Variants in NTPCR observed in about 807,000 individuals in gnomAD.
NTPCR encodes the protein nucleoside-triphosphatase, cancer-related.
A neutral mutation model predicts 19.5 loss-of-function variants in NTPCR; 15 were observed. The observed-to-expected ratio is 0.77, with a 90% CI of 0.51 to 1.18. The LOEUF is 1.18. Ranked by LOEUF, NTPCR falls within the 50% of genes most tolerant of loss-of-function variation. The pLI, the probability that NTPCR is intolerant of heterozygous loss-of-function variation, is 0.00. For synonymous variants in NTPCR, 90 were observed against 95.8 expected, an observed-to-expected ratio of 0.94 and a Z score of 0.36; for missense variants, 206 against 240.4, an observed-to-expected ratio of 0.86 and a Z score of 0.95.
chr1:232,959,190 GT>G (rs914264595), intron 3 of NTPCR, among the ~76,000 whole-genome samples: 13 of 152,224 alleles, frequency 8.5e-5, no homozygotes, highest in Non-Finnish European at 1.3e-4. Context: ...CATGGGGGTG[GT>G]TTCCCCCATG....
intron 4 of NTPCR, among the ~76,000 whole-genome samples, chr1:232,972,691 TG>T (rs1669017432): frequency 6.6e-6 from 1 of 152,166 alleles, no homozygotes; most frequent in Non-Finnish European, 1.5e-5. Flanking sequence ...CCTCTCAAAG[TG>T]TTGGAATTAT....
Position 232,951,171 on chromosome 1 carries a change from CA to C in NTPCR, c.34+437del, listed in dbSNP as rs112582853. 653 of 154,208 alleles carry C rather than the reference CA, an allele frequency of 4.2e-3. 4 individuals are homozygous for C. Among genetic ancestry groups the C allele is most frequent in the African/African-American group, 0.01 (412 of 40,702 alleles). The allele number at this position is 154,208 out of a possible 1,614,324, so 9.6% of individuals were successfully genotyped here. ...GTGGGTCTTTGCTACATTGATCGTG[CA>C]AAAAAAAAATGGTAAATTTTAGTTG... On this transcript the variant is annotated intron_variant, in intron 1 of 4. Coordinates refer to ENST00000366628, the MANE Select transcript of NTPCR (RefSeq NM_032324.3).
rs780859994 is a variant in NTPCR, at chr1:232,956,439, G to C, written c.290G>C (p.Arg97Thr). The C allele has an allele frequency of 6.2e-7, 1 of 1,605,200 alleles. No individual in the cohort carries two copies. Among genetic ancestry groups the C allele is most frequent in the South Asian group, 1.1e-5 (1 of 90,898 alleles). ...SFEQLALPVL[R>T]NADCSSGPGQ... ...GAGCAGTTGGCACTACCCGTCTTGAGGAATGTGAGTACGTGATTTCTGCTT... is the reference window on the plus strand; with the variant it reads ...GAGCAGTTGGCACTACCCGTCTTGACGAATGTGAGTACGTGATTTCTGCTT... The change falls in exon 3 of 5, where the codon AGG (arginine) becomes ACG (threonine). Residue 97 changes from arginine (R) to threonine (T), a missense_variant. Physicochemically the swap from Arg to Thr is moderately conservative, Grantham distance 71 (BLOSUM62 -1). Transcript: ENST00000366628.
chr1:232,957,443 A>G (rs1389319412), intron 3 of NTPCR, among the ~76,000 whole-genome samples: 3 of 152,012 alleles, frequency 2.0e-5, no homozygotes, highest in African/African-American at 7.3e-5. Context: ...TAATTTGTCC[A>G]TTTCATCTGA....
intron 1 of NTPCR, among the ~76,000 whole-genome samples, chr1:232,952,991 G>A (rs1204177748): frequency 1.3e-5 from 2 of 152,168 alleles, no homozygotes; most frequent in Non-Finnish European, 2.9e-5. Context: ...CCTTCAACCT[G>A]TGATTGGTGA....
chr1:232,962,716 A>G (rs1270953520), intron 3 of NTPCR: 1 of 152,264 alleles, frequency 6.6e-6, no homozygotes, highest in African/African-American at 2.4e-5. Context: ...AGCTAAAATC[A>G]GAACACCCAG....
At chr1:232,956,262 A>G (rs1668508785) in intron 2 of NTPCR, 85 bp from the exon 3 acceptor site, 3 of 876,192 alleles carry the variant, frequency 3.4e-6, no homozygotes, top group Non-Finnish European at 3.8e-6. Flanking sequence ...GCATATGTGG[A>G]ATGCCAGAGG....
rs369847129 is a variant in NTPCR, at chr1:232,982,431, C to A, written c.*4200C>A. Reference sequence around the variant, plus strand: ...GTGCAGAGCGTCACTGCATTCCTATCTGATTAATGTGACCTTAGTGTTGTA... The same window carrying A: ...GTGCAGAGCGTCACTGCATTCCTATATGATTAATGTGACCTTAGTGTTGTA... On this transcript the variant is annotated 3_prime_UTR_variant, in exon 5 of 5. Transcript: ENST00000366628. The A allele has an allele frequency of 6.6e-6, 1 of 152,228 alleles. No individual in the cohort carries two copies. The highest frequency in any genetic ancestry group is 2.4e-5 in the African/African-American group (1 of 41,442). The allele number at this position is 152,228 out of a possible 1,614,324, so 9.4% of individuals were successfully genotyped here.
At chr1:232,975,293 T>C (rs1320924879) in intron 4 of NTPCR, among the ~76,000 whole-genome samples, 1 of 152,158 alleles carries the variant, frequency 6.6e-6, no homozygotes, top group Non-Finnish European at 1.5e-5. Context: ...TCCCGCTTCT[T>C]GATTGTTTAA....
At chr1:232,976,472 C>T (rs1380099366) in intron 4 of NTPCR, 1 of 1,550,028 alleles carries the variant, frequency 6.5e-7, no homozygotes, top group Admixed American at 2.0e-5. Context: ...AAAAGGGCCC[C>T]TGTGGTGCCC....
chr1:232,955,189 T>C (rs17355588), intron 1 of NTPCR, among the ~76,000 whole-genome samples: 8,221 of 152,252 alleles, frequency 0.054, 284 homozygotes, highest in Middle Eastern at 0.13. Flanking sequence ...TGTTACTTCC[T>C]GGGCAGAAAA....
In NTPCR at chr1:232,951,565, A is replaced by T. The variant is rs1668366883; in HGVS notation, c.34+821A>T. ...GCTAAAAAAAGATAGATGGGCTAAG[A>T]GTGGAGAAAGTGATTTCTTCAGCTC... On this transcript the variant is annotated intron_variant, in intron 1 of 4. Transcript: ENST00000366628. Among the ~76,000 whole-genome samples the T allele has an allele frequency of 3.9e-5, 6 of 152,210 alleles. 1 individual carries two copies. Among genetic ancestry groups the T allele is most frequent in the Admixed American group, 3.3e-4 (5 of 15,280 alleles).
At chr1:232,958,473 T>C (rs557611985) in intron 3 of NTPCR, among the ~76,000 whole-genome samples, 1 of 152,384 alleles carries the variant, frequency 6.6e-6, no homozygotes, top group East Asian at 1.9e-4. Context: ...GCCCAAAGGC[T>C]GCTGAAGATT....
chr1:232,959,280 C>G (rs1668602544), intron 3 of NTPCR, among the ~76,000 whole-genome samples: 1 of 152,300 alleles, frequency 6.6e-6, no homozygotes, highest in African/African-American at 2.4e-5. Flanking sequence ...CTCTCTCTCT[C>G]CCGCCGCCAC....
chr1:232,971,959 T>G (rs570483982), intron 4 of NTPCR, among the ~76,000 whole-genome samples: 2 of 152,220 alleles, frequency 1.3e-5, no homozygotes, highest in Non-Finnish European at 2.9e-5. Flanking sequence ...TGAGGTCAGA[T>G]AGCTTCTAGG....
chr1:232,982,059 A>G lies in NTPCR; in HGVS notation c.*3828A>G, dbSNP rs985659265. On this transcript the variant is annotated 3_prime_UTR_variant, in exon 5 of 5. Transcript: ENST00000366628. Reference sequence around the variant, plus strand: ...CTGGAAAATAACTCTTTAGCTATATACTGGCAGAATATTTGAACAACTCTA... The same window carrying G: ...CTGGAAAATAACTCTTTAGCTATATGCTGGCAGAATATTTGAACAACTCTA... The G allele has an allele frequency of 1.3e-5, 2 of 152,114 alleles. No individual in the cohort carries two copies. Among genetic ancestry groups the G allele is most frequent in the African/African-American group, 2.4e-5 (1 of 41,400 alleles). 9.4% of individuals were successfully genotyped at this position (152,114 alleles called of 1,614,324 possible).
At position 232,956,215 on chromosome 1, in the gene NTPCR, A is replaced by G. The variant is rs1668507035; in HGVS notation, c.198-132A>G. On this transcript the variant is annotated intron_variant, in intron 2 of 4. Transcript: ENST00000366628. ...GAAAACCTGATCAGCTTTACAGACC[A>G]CCGCATTTTGTGTTGGTCATTTTTA... 4.4e-6 allele frequency: 3 copies of G among 679,588 alleles called. No individual in the cohort carries two copies. The East Asian group carries it at 8.2e-5, about 19-fold the overall frequency. 42.1% of individuals were successfully genotyped at this position (679,588 alleles called of 1,614,324 possible). A position where few individuals can be genotyped will look rare whatever the true frequency, so the allele number is the denominator to read the frequency against.
Position 232,956,364 on chromosome 1 carries a change from G to T in NTPCR, c.215G>T (p.Gly72Val). Residue 72 changes from glycine (G) to valine (V), a missense_variant, in exon 3 of 5, where the codon GGA (glycine) becomes GTA (valine). Physicochemically the swap from Gly to Val is moderately radical, Grantham distance 109. Transcript: ENST00000366628. Reference sequence around the variant, plus strand: ...TCCTTCAGGTTAGAGCCTCCACCTGGAAAACGTGAATGCCGAGTTGGGCAG... The same window carrying T: ...TCCTTCAGGTTAGAGCCTCCACCTGTAAAACGTGAATGCCGAGTTGGGCAG... ...LSRVGLEPPP[G>V]KRECRVGQYV... 1 of 1,613,720 alleles carries T rather than the reference G, an allele frequency of 6.2e-7. No homozygotes were observed. The highest frequency in any genetic ancestry group is 8.5e-7 in the Non-Finnish European group (1 of 1,179,646).
chr1:232,956,220 A>T, intron 2 of NTPCR, 127 bp from the exon 3 acceptor site: 1 of 697,432 alleles, frequency 1.4e-6, no homozygotes, highest in Admixed American at 2.2e-5. Flanking sequence ...AGACCACCGC[A>T]TTTTGTGTTG....
Sources: allele counts gnomAD v4.1 joint callset (sites outside exome capture counted in the v4.1 genomes callset), GRCh38; gene constraint gnomAD v4.1.1; transcripts MANE v1.5; gene names NCBI Gene and HGNC (gene_info 2026-07-23, HGNC 2026-07-21).